LRPPRC: variants seen among roughly 807,000 people sequenced by gnomAD.
LRPPRC encodes the protein leucine rich pentatricopeptide repeat containing.
Under a neutral mutation model 180.3 loss-of-function variants are expected in LRPPRC, and 120 were observed. That is an observed-to-expected ratio of 0.67 (90% CI 0.57 to 0.77). LRPPRC has a LOEUF of 0.77. Ranked by LOEUF, LRPPRC falls within the 30% of genes least tolerant of loss-of-function variation. LRPPRC has a pLI of 0.00. For synonymous variants in LRPPRC, 723 were observed against 600.0 expected (o/e 1.21, Z -3.00); for missense variants, 2,012 against 1,657.2 (o/e 1.21, Z -3.72).
chr2:43,943,622 T>C (rs977936701), intron 23 of LRPPRC, 65 bp downstream of exon 23: 2 of 1,333,816 alleles, frequency 1.5e-6, no homozygotes, highest in Non-Finnish European at 2.2e-6. Context: ...TAAAGTATAA[T>C]CCGAAAATTA....
chr2:43,988,744 C>T (rs562099544), intron 1 of LRPPRC, among the ~76,000 whole-genome samples: 17 of 152,084 alleles, frequency 1.1e-4, no homozygotes, highest in African/African-American at 4.1e-4. Context: ...GGCGTTTCAC[C>T]ATGTTAGCCA....
At chr2:43,985,965 C>T (rs936552597) in intron 1 of LRPPRC, among the ~76,000 whole-genome samples, 2 of 152,162 alleles carry the variant, frequency 1.3e-5, no homozygotes, top group Non-Finnish European at 2.9e-5. Flanking sequence ...TACATGCTTG[C>T]CAGTATTTGG....
chr2:43,981,434 G>C (rs1193085282), intron 2 of LRPPRC, among the ~76,000 whole-genome samples: 4 of 152,176 alleles, frequency 2.6e-5, no homozygotes, highest in Non-Finnish European at 5.9e-5. Flanking sequence ...GCCAAGGCGG[G>C]TGGATCACGA....
At chr2:43,974,579 A>G in intron 8 of LRPPRC, 35 bp downstream of exon 8, 1 of 1,382,250 alleles carries the variant, frequency 7.2e-7, no homozygotes, top group African/African-American at 1.4e-5. Flanking sequence ...TCAGATTTTT[A>G]TAAAAATCAT....
intron 26 of LRPPRC, 105 bp from the exon 27 acceptor site, chr2:43,925,262 C>G (rs1467188104): frequency 1.3e-6 from 1 of 772,632 alleles, no homozygotes; most frequent in African/African-American, 1.7e-5. Context: ...ACCAAAAGGG[C>G]AGTTGAACTT....
chr2:43,953,198 G>A (rs1572538315), intron 14 of LRPPRC, among the ~76,000 whole-genome samples: 1 of 152,140 alleles, frequency 6.6e-6, no homozygotes, highest in Non-Finnish European at 1.5e-5. Flanking sequence ...AGAAGACTGA[G>A]TACCTTCTAT....
chr2:43,946,479 T>C (rs1672686288), intron 20 of LRPPRC, among the ~76,000 whole-genome samples: 1 of 152,042 alleles, frequency 6.6e-6, no homozygotes, highest in Non-Finnish European at 1.5e-5. Flanking sequence ...TAGGCCATTA[T>C]TTATGCCAAA....
intron 29 of LRPPRC, among the ~76,000 whole-genome samples, chr2:43,915,198 A>ACT (rs142492838): frequency 2.2e-3 from 140 of 63,404 alleles, no homozygotes; most frequent in South Asian, 5.1e-3. Context: ...ACAGAACAAG[A>ACT]CTCTCTCTCT....
At chr2:43,917,354 C>T (rs13022309) in intron 29 of LRPPRC, among the ~76,000 whole-genome samples, 90,377 of 151,822 alleles carry the variant, frequency 0.6, 28,984 homozygotes, top group East Asian at 0.98. Context: ...CGGCCTGCTT[C>T]GTTTTTTATA....
At chr2:43,896,806 G>A in intron 34 of LRPPRC, 98 bp from the exon 35 acceptor site, 1 of 781,060 alleles carries the variant, frequency 1.3e-6, no homozygotes, top group South Asian at 1.4e-5. Context: ...TAATACAGTA[G>A]TGTATTATTA....
chr2:43,926,018 T>A, intron 25 of LRPPRC, 57 bp from the exon 26 acceptor site: 5 of 1,026,054 alleles, frequency 4.9e-6, no homozygotes, highest in Non-Finnish European at 7.8e-6. Flanking sequence ...GAATATTATT[T>A]TTTTCCTCAA....
In LRPPRC at chr2:43,943,797, T is replaced by C; in HGVS notation, c.2394A>G (p.Leu798=). 6.2e-7 allele frequency: 1 copy of C among 1,613,540 alleles called. No homozygotes were observed. Among genetic ancestry groups the C allele is most frequent in the Non-Finnish European group, 8.5e-7 (1 of 1,179,496 alleles). ...GTTTTACTGTTTCAATTTCACCTCTTAAAGCTGCGCCATTTAGCATGTGGA... is the reference window on the plus strand; with the variant it reads ...GTTTTACTGTTTCAATTTCACCTCTCAAAGCTGCGCCATTTAGCATGTGGA... ...SFFHMLNGAA[L]RGEIETVKQL... is the part of the protein sequence containing the mutation. Residue 798 remains leucine, a synonymous_variant, in exon 23 of 38, where the codon TTA becomes TTG. Coordinates refer to ENST00000260665, the MANE Select transcript of LRPPRC (RefSeq NM_133259.4).
intron 29 of LRPPRC, among the ~76,000 whole-genome samples, chr2:43,915,303 A>G (rs1316178492): frequency 6.6e-6 from 1 of 151,134 alleles, no homozygotes; most frequent in Non-Finnish European, 1.5e-5. Context: ...TTTACATAGT[A>G]TTAATCAAGC....
intron 30 of LRPPRC, among the ~76,000 whole-genome samples, chr2:43,908,850 A>G (rs909704240): frequency 2.0e-5 from 3 of 152,218 alleles, no homozygotes; most frequent in African/African-American, 7.2e-5. Flanking sequence ...TATGGCTCTC[A>G]AGGTTGACCA....
chr2:43,899,801 C>A (rs1448509715), intron 32 of LRPPRC, among the ~76,000 whole-genome samples, 196 bp from the exon 33 acceptor site: 1 of 152,188 alleles, frequency 6.6e-6, no homozygotes, highest in Non-Finnish European at 1.5e-5. Context: ...CATTCACTAG[C>A]TGGTTCGTGC....
At chr2:43,907,005 T>G (rs891165136) in intron 30 of LRPPRC, among the ~76,000 whole-genome samples, 1 of 152,226 alleles carries the variant, frequency 6.6e-6, no homozygotes, top group African/African-American at 2.4e-5. Flanking sequence ...TCTCAATCTT[T>G]CACATGATTA....
intron 20 of LRPPRC, among the ~76,000 whole-genome samples, chr2:43,946,864 C>CT (rs1328599521): frequency 1.3e-5 from 2 of 151,984 alleles, no homozygotes; most frequent in African/African-American, 2.4e-5. Context: ...TCAGAAAGAG[C>CT]TTTTTTCCAG....
chr2:43,977,403 G>A (rs540404418), intron 3 of LRPPRC, 127 bp from the exon 4 acceptor site: 5 of 713,600 alleles, frequency 7.0e-6, no homozygotes, highest in South Asian at 6.4e-5. Context: ...CCATCTTGGC[G>A]CTCAGACCTA....
At chr2:43,912,692 TAGAG>T in intron 29 of LRPPRC, 134 bp from the exon 30 acceptor site, 1 of 658,314 alleles carries the variant, frequency 1.5e-6, no homozygotes, top group East Asian at 2.8e-5. Flanking sequence ...TACCACTCTA[TAGAG>T]AGACACACTG....
Sources: allele counts gnomAD v4.1 joint callset (sites outside exome capture counted in the v4.1 genomes callset), GRCh38; gene constraint gnomAD v4.1.1; transcripts MANE v1.5; gene names NCBI Gene and HGNC (gene_info 2026-07-23, HGNC 2026-07-21).